Variants in ZNF362 observed in about 807,000 individuals in gnomAD.
ZNF362 encodes rotund homolog.
A neutral mutation model predicts 42.9 loss-of-function variants in ZNF362; 11 were observed. The observed-to-expected ratio is 0.26, with a 90% CI of 0.16 to 0.42. The LOEUF is 0.42. Among genes scored for constraint, ZNF362 ranks in the 20% least tolerant of loss-of-function variants. ZNF362 has a pLI of 1.00. For synonymous variants in ZNF362, 255 were observed against 257.3 expected (o/e 0.99, Z 0.09); for missense variants, 362 against 576.2 (o/e 0.63, Z 3.81).
the ZNF362 span, among the ~76,000 whole-genome samples, chr1:33,248,516 C>G: frequency 6.6e-6 from 1 of 152,218 alleles, no homozygotes; most frequent in African/African-American, 2.4e-5. Context: ...ACCCAGATTA[C>G]TAGTCCTTTG....
Position 33,276,335 on chromosome 1 carries a change from C to T in ZNF362, c.103-13C>T, listed in dbSNP as rs1645946419. On this transcript the variant is annotated splice_polypyrimidine_tract_variant and intron_variant, in intron 3 of 8. Transcript: ENST00000539719. ...GGTCCAGACCTCCTCAGCCCGTCCT[C>T]TTCTTCCCGCAGCTGGACAACCTGG... 2.6e-6 allele frequency: 4 copies of T among 1,547,834 alleles called. No homozygotes were observed. The highest frequency in any genetic ancestry group is 2.4e-5 in the South Asian group (2 of 84,508).
the ZNF362 span, among the ~76,000 whole-genome samples, chr1:33,136,300 TTTTC>T: frequency 7.3e-3 from 1,039 of 141,516 alleles, 7 homozygotes; most frequent in African/African-American, 0.017. Context: ...CTTTCTTTCT[TTTTC>T]TTTCTTTCTT....
the ZNF362 span, among the ~76,000 whole-genome samples, chr1:33,170,068 A>C: frequency 6.6e-6 from 1 of 152,156 alleles, no homozygotes; most frequent in Non-Finnish European, 1.5e-5. Flanking sequence ...TCACACCTGT[A>C]ATCCCAACCC....
intron 8 of ZNF362, 51 bp downstream of exon 8, chr1:33,295,356 C>A: frequency 6.3e-7 from 1 of 1,590,304 alleles, no homozygotes; most frequent in South Asian, 1.1e-5. Flanking sequence ...CTTCGTCTTC[C>A]AGGCCTCAGT....
chr1:33,255,895 G>T (rs1285697519), upstream of ZNF362, among the ~76,000 whole-genome samples: 4 of 151,982 alleles, frequency 2.6e-5, no homozygotes, highest in Admixed American at 2.0e-4. Context: ...CACCGCGCGG[G>T]CTCGGCCTGG....
chr1:33,194,859 AT>A, the ZNF362 span: 11 of 152,100 alleles, frequency 7.2e-5, no homozygotes, highest in Admixed American at 7.2e-4. Context: ...TTTATACTAG[AT>A]TAGTAGTTCT....
Position 33,281,727 on chromosome 1 carries a change from G to A in ZNF362, c.824G>A (p.Arg275His). 6.2e-7 allele frequency: 1 copy of A among 1,614,228 alleles called. No homozygotes were observed. Reference protein sequence around the residue: ...ANASYLAQHLRIHLGVKPYHC... With the variant: ...ANASYLAQHLHIHLGVKPYHC... The stretch of plus-strand genomic sequence containing the variant: ...GCCTCCTACCTGGCCCAGCACCTGC[G>A]CATCCACCTGGGCGTCAAGCCCTAC... Residue 275 changes from arginine to histidine, a missense_variant, in exon 6 of 9, where the codon CGC becomes CAC. By Grantham distance (29) the Arg-to-His change is conservative. Around this residue, in one of 3 missense-constraint regions of ZNF362, gnomAD observed 28 missense variants for 103.4 expected, o/e 0.27. Coordinates refer to ENST00000539719, the MANE Select transcript of ZNF362 (RefSeq NM_152493.3). The surrounding 1 kb of genome is among the most constrained non-coding windows in gnomAD (Gnocchi z 4.8).
chr1:33,182,549 A>C, the ZNF362 span, among the ~76,000 whole-genome samples: 10 of 151,852 alleles, frequency 6.6e-5, no homozygotes, highest in African/African-American at 1.9e-4. Context: ...CCTGGCTAAC[A>C]TCTGGCCCCG....
chr1:33,281,600 C>T lies in ZNF362; in HGVS notation c.697C>T (p.Pro233Ser), dbSNP rs1367353412. ...CTTGCTCCGCAGGTGTAAGGTATGC[C>T]CACTGACCTTTTTCACCAAGTCAGA... ...EGKTYRCKVC[P>S]LTFFTKSEMQ... Residue 233 changes from proline (P) to serine (S), a missense_variant, in exon 6 of 9, where the codon CCA becomes TCA. Around this residue, in one of 3 missense-constraint regions of ZNF362, gnomAD observed 266 missense variants for 365.4 expected, o/e 0.73. Transcript: ENST00000539719. This position sits in a 1 kb window ranked among gnomAD's most constrained non-coding sequence, Gnocchi z 4.8. 1.9e-6 allele frequency: 3 copies of T among 1,614,060 alleles called. No homozygotes were observed. Among genetic ancestry groups the T allele is most frequent in the Non-Finnish European group, 2.5e-6 (3 of 1,180,032 alleles).
At chr1:33,193,004 C>CACACACATATATATATATATATATAT in the ZNF362 span, among the ~76,000 whole-genome samples, 1 of 137,202 alleles carries the variant, frequency 7.3e-6, no homozygotes, top group Non-Finnish European at 1.6e-5. Context: ...CACACACACA[C>CACACACATATATATATATATATATAT]ATATATATAT....
At chr1:33,289,160 C>T (rs1387964628) in intron 6 of ZNF362, among the ~76,000 whole-genome samples, 1 of 152,116 alleles carries the variant, frequency 6.6e-6, no homozygotes, top group African/African-American at 2.4e-5. Flanking sequence ...GAGGGGTCCA[C>T]AGCCCTCCCC....
At chr1:33,128,134 G>A in the ZNF362 span, among the ~76,000 whole-genome samples, 6 of 151,266 alleles carry the variant, frequency 4.0e-5, no homozygotes, top group Non-Finnish European at 5.9e-5. Flanking sequence ...GAGGCCGAAG[G>A]TGGAAGGATT....
In ZNF362 at chr1:33,280,014, T is replaced by G. The variant is rs1645979680; in HGVS notation, c.350-110T>G. ...CATTTAGTTACCCCTGGGTAATAAC[T>G]TATGAACGTTAAGGGGATGCTCGCC... On this transcript the variant is annotated intron_variant, in intron 4 of 8. Coordinates refer to ENST00000539719, the MANE Select transcript of ZNF362 (RefSeq NM_152493.3). This position sits in a 1 kb window ranked among gnomAD's most constrained non-coding sequence, Gnocchi z 5.6. 1 of 1,322,386 alleles carries G rather than the reference T, an allele frequency of 7.6e-7. No homozygotes were observed. The highest frequency in any genetic ancestry group is 1.5e-5 in the African/African-American group (1 of 67,694). The allele number at this position is 1,322,386 out of a possible 1,614,324, so 81.9% of individuals were successfully genotyped here. A position where few individuals can be genotyped will look rare whatever the true frequency, so the allele number is the denominator to read the frequency against.
chr1:33,229,904 A>G, the ZNF362 span, among the ~76,000 whole-genome samples: 1 of 152,176 alleles, frequency 6.6e-6, no homozygotes, highest in Non-Finnish European at 1.5e-5. Flanking sequence ...TATAAAAGTA[A>G]TACATGTTGC....
At chr1:33,270,263 G>T (rs1233417102) in intron 1 of ZNF362, among the ~76,000 whole-genome samples, 3 of 152,148 alleles carry the variant, frequency 2.0e-5, no homozygotes, top group African/African-American at 7.2e-5. Context: ...TGGCCCTGTA[G>T]TGCTGGGCCA....
rs776504622 is a variant in ZNF362 at position 33,297,511 on chromosome 1, C to CTTTTTTT, written c.1147-1418_1147-1417insTTTTTTT. ...ATGATTTGGTGTATTTACATGATTC[C>CTTTTTTT]TCTTTTTTTTTTTTTTTTTGAGACG... On this transcript the variant is annotated intron_variant, in intron 8 of 8. Transcript: ENST00000539719. Among the ~76,000 whole-genome samples, 586 of 78,626 alleles carry CTTTTTTT rather than the reference C, an allele frequency of 7.5e-3. 29 individuals are homozygous for CTTTTTTT. The highest frequency in any genetic ancestry group is 7.3e-3 in the Admixed American group (57 of 7,786). The allele number at this position is 78,626 out of a possible 152,430, so 51.6% of individuals were successfully genotyped here.
chr1:33,138,050 G>C, the ZNF362 span, among the ~76,000 whole-genome samples: 2 of 152,184 alleles, frequency 1.3e-5, no homozygotes, highest in African/African-American at 2.4e-5. Context: ...ACCATCAGTG[G>C]GGTGCTGGGA....
chr1:33,238,368 A>AAATAAAATAAAATAAAAT, the ZNF362 span, among the ~76,000 whole-genome samples: 30 of 103,936 alleles, frequency 2.9e-4, no homozygotes, highest in East Asian at 1.6e-3. Context: ...TAAAATAATA[A>AAATAAAATAAAATAAAAT]AATAAAATAA....
the ZNF362 span, among the ~76,000 whole-genome samples, chr1:33,194,030 A>G: frequency 2.0e-5 from 3 of 152,224 alleles, no homozygotes; most frequent in African/African-American, 7.2e-5. Context: ...AAAATTAGGA[A>G]TCGAAGACAT....
Sources: allele counts gnomAD v4.1 joint callset (sites outside exome capture counted in the v4.1 genomes callset), GRCh38; gene constraint gnomAD v4.1.1; regional missense constraint gnomAD v4.1.1; non-coding constraint Gnocchi (gnomAD v3.1); transcripts MANE v1.5; gene names NCBI Gene and HGNC (gene_info 2026-07-23, HGNC 2026-07-21).